ATP11B: variants seen among roughly 807,000 people sequenced by gnomAD.
ATP11B encodes the protein ATPase phospholipid transporting 11B (putative), also known as phospholipid-transporting ATPase IF.
In ATP11B, 81 loss-of-function variants were observed where a neutral mutation model predicts 157.8. That is an observed-to-expected ratio of 0.51 (90% CI 0.43 to 0.62). The LOEUF is 0.62. Among genes scored for constraint, ATP11B ranks in the 20% least tolerant of loss-of-function variants. ATP11B has a pLI of 0.00. For synonymous variants in ATP11B, 451 were observed against 469.4 expected, an observed-to-expected ratio of 0.96 and a Z score of 0.51; for missense variants, 1,165 against 1,402.2, an observed-to-expected ratio of 0.83 and a Z score of 2.70.
At position 182,914,282 on chromosome 3, in the gene ATP11B, T is replaced by C. The variant is rs573353134; in HGVS notation, c.3452+288T>C. On this transcript the variant is annotated intron_variant, in intron 29 of 29. Transcript: ENST00000323116. ...AATGTGCTCAGTAGGAGTGTGTTTA[T>C]GGTACTCTTTTATGGTTTGTATAAC... The C allele has an allele frequency of 8.9e-6, 10 of 1,125,908 alleles. No individual in the cohort carries two copies. In the South Asian group the frequency reaches 1.6e-4, roughly 17 times the overall value. 69.7% of individuals were successfully genotyped at this position (1,125,908 alleles called of 1,614,324 possible). A position where few individuals can be genotyped will look rare whatever the true frequency, so the allele number is the denominator to read the frequency against.
intron 18 of ATP11B, 120 bp from the exon 19 acceptor site, chr3:182,873,692 A>G (rs972850989): frequency 3.8e-6 from 3 of 795,572 alleles, no homozygotes; most frequent in African/African-American, 3.5e-5. Context: ...TATATTGTAT[A>G]ATAACATTCC....
At chr3:182,887,850 C>T in intron 24 of ATP11B, 137 bp downstream of exon 24, 10 of 939,322 alleles carry the variant, frequency 1.1e-5, no homozygotes, top group Non-Finnish European at 1.5e-5. Context: ...TGTTGAATAT[C>T]AGAGAAAAAA....
At chr3:182,849,759 A>T (rs1719821760) in intron 10 of ATP11B, among the ~76,000 whole-genome samples, 2 of 152,182 alleles carry the variant, frequency 1.3e-5, no homozygotes, top group Non-Finnish European at 2.9e-5. Flanking sequence ...GCCATGTGGG[A>T]TAATATTAAG....
In ATP11B at chr3:182,915,039, G is replaced by A. The variant is rs147518018; in HGVS notation, c.3452+1045G>A. The A allele has an allele frequency of 2.0e-4, 193 of 985,384 alleles. No individual in the cohort carries two copies. The African/African-American group carries it at 3.3e-3, about 17-fold the overall frequency. 61.0% of individuals were successfully genotyped at this position (985,384 alleles called of 1,614,324 possible). The stretch of plus-strand genomic sequence containing the variant: ...AATTACCCCAGGAACAGGTTATAAA[G>A]AGTGAAGAAGGCACTACTCCTATCT... On this transcript the variant is annotated intron_variant, in intron 29 of 29. Transcript: ENST00000323116.
intron 17 of ATP11B, among the ~76,000 whole-genome samples, chr3:182,869,730 A>C (rs1210843092): frequency 6.6e-6 from 1 of 152,256 alleles, no homozygotes; most frequent in Non-Finnish European, 1.5e-5. Context: ...GAGTTACTAT[A>C]TGACACAGCA....
At chr3:182,846,289 A>G (rs570354351) in intron 9 of ATP11B, among the ~76,000 whole-genome samples, 2 of 151,648 alleles carry the variant, frequency 1.3e-5, no homozygotes, top group African/African-American at 2.4e-5. Flanking sequence ...AAAGAAGTCC[A>G]TATGTCGAGA....
intron 4 of ATP11B, among the ~76,000 whole-genome samples, chr3:182,830,315 C>G (rs1718035862): frequency 6.8e-6 from 1 of 147,564 alleles, no homozygotes; most frequent in Non-Finnish European, 1.5e-5. Context: ...AGAGTGAGAT[C>G]CTGTCTCAAA....
At chr3:182,863,979 T>C (rs1277628915) in intron 12 of ATP11B, among the ~76,000 whole-genome samples, 1 of 152,120 alleles carries the variant, frequency 6.6e-6, no homozygotes, top group Non-Finnish European at 1.5e-5. Flanking sequence ...CTGGGCAACA[T>C]TTAATATCAA....
chr3:182,796,467 T>G (rs1576936387), intron 1 of ATP11B, among the ~76,000 whole-genome samples: 1 of 152,338 alleles, frequency 6.6e-6, no homozygotes, highest in Middle Eastern at 3.4e-3. Context: ...TGGAGCCATA[T>G]GTGGGTATTA....
chr3:182,906,225 C>T (rs1216272853), intron 28 of ATP11B, among the ~76,000 whole-genome samples: 1 of 152,154 alleles, frequency 6.6e-6, no homozygotes, highest in Non-Finnish European at 1.5e-5. Context: ...CTCCTTTTTA[C>T]TTCTCCTTTT....
chr3:182,819,034 C>T (rs1410664727), intron 1 of ATP11B, among the ~76,000 whole-genome samples: 1 of 150,936 alleles, frequency 6.6e-6, no homozygotes, highest in Non-Finnish European at 1.5e-5. Context: ...TCAGTGGGTT[C>T]CCAAGATCTG....
At chr3:182,898,499 A>G (rs1325676797) in intron 27 of ATP11B, 108 bp from the exon 28 acceptor site, 1 of 760,818 alleles carries the variant, frequency 1.3e-6, no homozygotes, top group Non-Finnish European at 1.9e-6. Flanking sequence ...TCAGTTTTGA[A>G]CATTTTCTTG....
chr3:182,914,177 TTCAC>T (rs1724991895), intron 29 of ATP11B, 183 bp downstream of exon 29: 1 of 1,408,126 alleles, frequency 7.1e-7, no homozygotes, highest in South Asian at 1.6e-5. Flanking sequence ...TAAGGGCTTT[TTCAC>T]TCACAAAGGA....
At chr3:182,900,816 C>A (rs955875644) in intron 28 of ATP11B, among the ~76,000 whole-genome samples, 2 of 151,926 alleles carry the variant, frequency 1.3e-5, no homozygotes, top group African/African-American at 4.8e-5. Flanking sequence ...GAGGCCGAGG[C>A]GGGTGGATGG....
intron 25 of ATP11B, among the ~76,000 whole-genome samples, chr3:182,893,965 G>A (rs1057399087): frequency 6.6e-5 from 10 of 152,108 alleles, no homozygotes; most frequent in Admixed American, 6.6e-5. Flanking sequence ...ATGTTCATTG[G>A]TCATTTGTAT....
chr3:182,869,150 A>G lies in ATP11B; in HGVS notation c.1761A>G (p.Ser587=), dbSNP rs771826336. The change falls in exon 16 of 30, where the codon TCA becomes TCG. Residue 587 remains serine, a splice_region_variant and synonymous_variant. Transcript: ENST00000323116. ...TGAGTGTAATTGTTCAGGCACCTTC[A>G]GGTAACCAATCTAAACTTTCATGAA... The part of the protein sequence containing the change: ...RRMSVIVQAP[S]GEKLLFAKGA... The G allele has an allele frequency of 2.1e-5, 33 of 1,609,030 alleles. No homozygotes were observed. Among genetic ancestry groups the G allele is most frequent in the Non-Finnish European group, 2.6e-5 (31 of 1,177,360 alleles).
rs189827242 is a variant in ATP11B, at chr3:182,824,006, C to T, written c.144+3630C>T. ...CAGCAGGTCCCCCTCCTCCTCACCC[C>T]CCAGGCACTAGCAACCACTGATCTG... On this transcript the variant is annotated intron_variant, in intron 2 of 29. Coordinates refer to ENST00000323116, the MANE Select transcript of ATP11B (RefSeq NM_014616.3). Among the ~76,000 whole-genome samples, 234 of 152,078 alleles carry T rather than the reference C, an allele frequency of 1.5e-3. 1 individual carries two copies. Among genetic ancestry groups the T allele is most frequent in the Non-Finnish European group, 2.0e-3 (133 of 67,968 alleles).
intron 18 of ATP11B, 70 bp from the exon 19 acceptor site, chr3:182,873,742 C>G: frequency 2.4e-6 from 3 of 1,233,670 alleles, no homozygotes; most frequent in Non-Finnish European, 2.3e-6. Flanking sequence ...CTTAAATATA[C>G]TATGTAGTTT....
chr3:182,809,457 C>T (rs111586092), intron 1 of ATP11B, among the ~76,000 whole-genome samples: 18,444 of 151,992 alleles, frequency 0.12, 1,248 homozygotes, highest in African/African-American at 0.18. Flanking sequence ...CCATGTTGGC[C>T]GGGCCGTTCT....
Sources: allele counts gnomAD v4.1 joint callset (sites outside exome capture counted in the v4.1 genomes callset), GRCh38; gene constraint gnomAD v4.1.1; transcripts MANE v1.5; gene names NCBI Gene and HGNC (gene_info 2026-07-23, HGNC 2026-07-21).